Variants in KCNQ1 observed in about 807,000 individuals in gnomAD.
KCNQ1 encodes the protein potassium voltage-gated channel subfamily KQT member 1.
KCNQ1 carries 49 observed loss-of-function variants against 72.4 expected under a neutral mutation model. That is an observed-to-expected ratio of 0.68 (90% CI 0.54 to 0.86). The LOEUF is 0.86. KCNQ1 is among the 40% of genes least tolerant of loss of function. The pLI, the probability that KCNQ1 is intolerant of heterozygous loss-of-function variation, is 0.00. For synonymous variants in KCNQ1, 450 were observed against 412.6 expected (o/e 1.09, Z -1.10); for missense variants, 790 against 945.1 (o/e 0.84, Z 2.15).
At position 2,451,731 on chromosome 11, in the gene KCNQ1, G is replaced by C. The variant is rs1010406703; in HGVS notation, c.386+6247G>C. Among the ~76,000 whole-genome samples the C allele has an allele frequency of 1.4e-4, 22 of 152,174 alleles. No homozygotes were observed. Among genetic ancestry groups the C allele is most frequent in the African/African-American group, 5.3e-4 (22 of 41,434 alleles). ...TCCAGGACAGGCCCCTGCCCGCTCTGGGACCTGGGGCCTGGGCTCTGCTCC... is the reference window on the plus strand; with the variant it reads ...TCCAGGACAGGCCCCTGCCCGCTCTCGGACCTGGGGCCTGGGCTCTGCTCC... On this transcript the variant is annotated intron_variant, in intron 1 of 15. Transcript: ENST00000155840. This position sits in a 1 kb window ranked among gnomAD's most constrained non-coding sequence, Gnocchi z 6.4.
chr11:2,827,520 C>T lies in KCNQ1; in HGVS notation c.1795-20247C>T, dbSNP rs535807222. 1.4e-4 allele frequency among the ~76,000 whole-genome samples: 22 copies of T among 151,984 alleles called. 1 individual carries two copies. The highest frequency in any genetic ancestry group is 3.3e-4 in the Admixed American group (5 of 15,272). ...CACGTCATCCCCCTTTCTGTCCACC[C>T]GCCGGAATGTGACGCACGCCTGAGT... On this transcript the variant is annotated intron_variant, in intron 15 of 15. Transcript: ENST00000155840. This position sits in a 1 kb window ranked among gnomAD's most constrained non-coding sequence, Gnocchi z 6.7.
In KCNQ1 at chr11:2,516,608, C is replaced by T. The variant is rs1372072656; in HGVS notation, c.387-11320C>T. Among the ~76,000 whole-genome samples, 4 of 152,282 alleles carry T rather than the reference C, an allele frequency of 2.6e-5. No individual in the cohort carries two copies. The highest frequency in any genetic ancestry group is 3.4e-3 in the Middle Eastern group (1 of 294). Reference sequence around the variant, plus strand: ...TAGCGGGTCCCCTGAAACCAACACACAGGTGCAGACACCCACATGCCATCC... The same window carrying T: ...TAGCGGGTCCCCTGAAACCAACACATAGGTGCAGACACCCACATGCCATCC... On this transcript the variant is annotated intron_variant, in intron 1 of 15. Coordinates refer to ENST00000155840, the MANE Select transcript of KCNQ1 (RefSeq NM_000218.3). The surrounding 1 kb of genome is among the most constrained non-coding windows in gnomAD (Gnocchi z 7.0).
In KCNQ1 at chr11:2,494,520, C is replaced by T. The variant is rs997504190; in HGVS notation, c.387-33408C>T. Among the ~76,000 whole-genome samples, 1 of 152,220 alleles carries T rather than the reference C, an allele frequency of 6.6e-6. No individual in the cohort carries two copies. The highest frequency in any genetic ancestry group is 2.1e-4 in the South Asian group (1 of 4,818). ...GCTCTTGTTATTTTGAGATATGTTC[C>T]ATCAATTCCTAGTTTATTGAGAGTT... is the stretch of plus-strand genomic sequence containing the variant. On this transcript the variant is annotated intron_variant, in intron 1 of 15. Transcript: ENST00000155840. The surrounding 1 kb of genome is among the most constrained non-coding windows in gnomAD (Gnocchi z 4.6).
chr11:2,776,699 C>T (rs1846708723), intron 13 of KCNQ1, among the ~76,000 whole-genome samples: 1 of 152,192 alleles, frequency 6.6e-6, no homozygotes, highest in South Asian at 2.1e-4. Context: ...GTCAGGCTGC[C>T]TTGCCCATGG....
In KCNQ1 at chr11:2,451,427, G is replaced by A. The variant is rs1295075831; in HGVS notation, c.386+5943G>A. ...TGCTGTGCGGCCTGCTCCCTAACAGGCCACGGACCCGGGGTTGGAGAACCC... is the reference window on the plus strand; with the variant it reads ...TGCTGTGCGGCCTGCTCCCTAACAGACCACGGACCCGGGGTTGGAGAACCC... On this transcript the variant is annotated intron_variant, in intron 1 of 15. Transcript: ENST00000155840. This position sits in a 1 kb window ranked among gnomAD's most constrained non-coding sequence, Gnocchi z 6.4. 6.6e-6 allele frequency among the ~76,000 whole-genome samples: 1 copy of A among 152,174 alleles called. No individual in the cohort carries two copies. The highest frequency in any genetic ancestry group is 6.5e-5 in the Admixed American group (1 of 15,276).
chr11:2,805,662 T>C (rs1199791861), intron 15 of KCNQ1, among the ~76,000 whole-genome samples: 2 of 152,236 alleles, frequency 1.3e-5, no homozygotes, highest in East Asian at 3.8e-4. Context: ...AACGATTTAC[T>C]CTCTGGCCCT....
chr11:2,849,065 G>A lies in KCNQ1; in HGVS notation c.*1062G>A. 3 of 454,068 alleles carry A rather than the reference G, an allele frequency of 6.6e-6. No individual in the cohort carries two copies. The highest frequency in any genetic ancestry group is 4.7e-5 in the South Asian group (3 of 64,478). 28.1% of individuals were successfully genotyped at this position (454,068 alleles called of 1,614,324 possible). On this transcript the variant is annotated 3_prime_UTR_variant, in exon 16 of 16. Transcript: ENST00000155840. ...GTCTCTCACAGACAGGACCCCTGCA[G>A]TTCCCCTGGAAGCAGTGCCCAGGTG...
At chr11:2,574,869 G>A (rs1463491987) in intron 6 of KCNQ1, among the ~76,000 whole-genome samples, 1 of 152,208 alleles carries the variant, frequency 6.6e-6, no homozygotes, top group African/African-American at 2.4e-5. Flanking sequence ...CTGTGTCCCC[G>A]AAGGCCCCAG....
At chr11:2,791,605 C>T (rs1847023890) in intron 15 of KCNQ1, among the ~76,000 whole-genome samples, 1 of 151,694 alleles carries the variant, frequency 6.6e-6, no homozygotes, top group Non-Finnish European at 1.5e-5. Context: ...GAAGGAAGGA[C>T]GGGGCGAACC....
In KCNQ1 at chr11:2,508,071, C is replaced by T. The variant is rs536420072; in HGVS notation, c.387-19857C>T. Among the ~76,000 whole-genome samples, 58 of 152,210 alleles carry T rather than the reference C, an allele frequency of 3.8e-4. No homozygotes were observed. The highest frequency in any genetic ancestry group is 1.4e-3 in the African/African-American group (57 of 41,538). On this transcript the variant is annotated intron_variant, in intron 1 of 15. Coordinates refer to ENST00000155840, the MANE Select transcript of KCNQ1 (RefSeq NM_000218.3). This position sits in a 1 kb window ranked among gnomAD's most constrained non-coding sequence, Gnocchi z 6.2. ...CCTGAAACCTCTCAGACACAAACAC[C>T]CAGCTCGGCCCCACAGAGCTGGCCT... is the stretch of plus-strand genomic sequence containing the variant.
rs771453732 is a variant in KCNQ1 at position 2,537,063 on chromosome 11, C to G, written c.477+9045C>G. ...CACTGTGACCCCCCTCCTAACTGAT[C>G]ATATCTGCAGGGACCCCATTTCCAA... On this transcript the variant is annotated intron_variant, in intron 2 of 15. Transcript: ENST00000155840. The surrounding 1 kb of genome is among the most constrained non-coding windows in gnomAD (Gnocchi z 5.2). Among the ~76,000 whole-genome samples the G allele has an allele frequency of 2.0e-5, 3 of 152,126 alleles. No individual in the cohort carries two copies. The highest frequency in any genetic ancestry group is 1.9e-4 in the East Asian group (1 of 5,170).
intron 11 of KCNQ1, chr11:2,681,221 G>C (rs1290939810): frequency 2.5e-6 from 1 of 398,450 alleles, no homozygotes; most frequent in African/African-American, 2.1e-5. Flanking sequence ...ATGAAGAGTG[G>C]GTAGAAGGAA....
At chr11:2,506,691 G>C (rs367687344) in intron 1 of KCNQ1, among the ~76,000 whole-genome samples, 2 of 152,310 alleles carry the variant, frequency 1.3e-5, no homozygotes, top group South Asian at 4.1e-4. Flanking sequence ...CCTGCAGAAC[G>C]GTTGCACATT....
At position 2,714,755 on chromosome 11, in the gene KCNQ1, A is replaced by T. The variant is rs530932877; in HGVS notation, c.1514+52674A>T. 3.9e-5 allele frequency among the ~76,000 whole-genome samples: 6 copies of T among 152,264 alleles called. No homozygotes were observed. The East Asian group carries it at 1.2e-3, about 29-fold the overall frequency. On this transcript the variant is annotated intron_variant, in intron 11 of 15. Transcript: ENST00000155840. ...TTGGGGCCGGGGTGGTAGGGGTAGG[A>T]GAGCATCTTGAGGGTGGCTGCAGCA... is the stretch of plus-strand genomic sequence containing the variant.
Position 2,739,434 on chromosome 11 carries a change from C to T in KCNQ1, c.1515-29410C>T, listed in dbSNP as rs560898125. On this transcript the variant is annotated intron_variant, in intron 11 of 15. Transcript: ENST00000155840. ...GGATGTCACAGCCCCATCAAAGGTC[C>T]GCTACATATTCCCCCACCCCCAAAG... 1.1e-3 allele frequency among the ~76,000 whole-genome samples: 165 copies of T among 152,324 alleles called. 1 individual carries two copies. The highest frequency in any genetic ancestry group is 3.5e-3 in the African/African-American group (144 of 41,570).
At chr11:2,616,889 A>G in intron 10 of KCNQ1, 1 of 397,782 alleles carries the variant, frequency 2.5e-6, no homozygotes, top group South Asian at 1.3e-4. Flanking sequence ...TTGTAGGTCT[A>G]GTTGGTTTAT....
chr11:2,811,319 G>A (rs1380411098), intron 15 of KCNQ1, among the ~76,000 whole-genome samples: 1 of 152,336 alleles, frequency 6.6e-6, no homozygotes, highest in Admixed American at 6.5e-5. Flanking sequence ...GACCTCCTGG[G>A]GTGGGGAATC....
intron 11 of KCNQ1, among the ~76,000 whole-genome samples, chr11:2,731,072 C>T (rs943745213): frequency 6.6e-6 from 1 of 152,226 alleles, no homozygotes; most frequent in Non-Finnish European, 1.5e-5. Flanking sequence ...AACCTTGGAC[C>T]CAAAGGTCCT....
rs560912344 is a variant in KCNQ1, at chr11:2,623,355, C to T, written c.1393+34501C>T. ...ATGTATCTACCATTATAGTATCATA[C>T]AGATACGTATATTTACATATATTTG... On this transcript the variant is annotated intron_variant, in intron 10 of 15. Coordinates refer to ENST00000155840, the MANE Select transcript of KCNQ1 (RefSeq NM_000218.3). This position sits in a 1 kb window ranked among gnomAD's most constrained non-coding sequence, Gnocchi z 5.2. 36 of 398,610 alleles carry T rather than the reference C, an allele frequency of 9.0e-5. No individual in the cohort carries two copies. The highest frequency in any genetic ancestry group is 1.3e-4 in the Non-Finnish European group (30 of 226,058). The allele number at this position is 398,610 out of a possible 1,614,324, so 24.7% of individuals were successfully genotyped here. A position where few individuals can be genotyped will look rare whatever the true frequency, so the allele number is the denominator to read the frequency against.
Sources: gnomAD v4.1 joint callset for allele counts (sites outside exome capture counted in the v4.1 genomes callset) on GRCh38, gnomAD v4.1.1 for gene constraint, Gnocchi (gnomAD v3.1) non-coding constraint, MANE v1.5 for transcripts, NCBI Gene and HGNC (gene_info 2026-07-23, HGNC 2026-07-21) for gene names.